The following ANO10 variants were observed in gnomAD, a reference collection of about 807,000 sequenced individuals.
The protein encoded by ANO10 is anoctamin-10.
ANO10 carries 77 observed loss-of-function variants against 74.7 expected under a neutral mutation model. The ratio of observed to expected loss-of-function variants is 1.03; its 90% CI spans 0.86 to 1.25. The LOEUF (loss-of-function observed/expected upper bound fraction) is 1.25. Ranked by LOEUF, ANO10 falls within the 50% of genes most tolerant of loss-of-function variation. The pLI is 0.00. For synonymous variants in ANO10, 279 were observed against 284.9 expected (o/e 0.98, Z 0.21); for missense variants, 721 against 778.1 (o/e 0.93, Z 0.87).
chr3:43,451,427 A>G (rs746322391), intron 11 of ANO10, among the ~76,000 whole-genome samples: 1 of 152,136 alleles, frequency 6.6e-6, no homozygotes, highest in African/African-American at 2.4e-5. Context: ...CCTCTGTTCA[A>G]TCGGCTTCCT....
intron 1 of ANO10, among the ~76,000 whole-genome samples, chr3:43,651,547 G>C (rs2083787564): frequency 6.6e-6 from 1 of 152,100 alleles, no homozygotes; most frequent in Non-Finnish European, 1.5e-5. Context: ...GATGCCATGG[G>C]GGTTAGTGGC....
intron 12 of ANO10, among the ~76,000 whole-genome samples, chr3:43,382,246 G>A (rs1311832340): frequency 4.6e-5 from 7 of 152,252 alleles, no homozygotes; most frequent in South Asian, 4.1e-4. Context: ...CAGGCCGGGC[G>A]CGGTGGCTCA....
intron 11 of ANO10, among the ~76,000 whole-genome samples, chr3:43,469,541 A>G (rs111346845): frequency 7.1e-4 from 108 of 152,280 alleles, no homozygotes; most frequent in African/African-American, 2.2e-3. Context: ...TGAAAATTCT[A>G]AAGGCTTCTG....
intron 11 of ANO10, among the ~76,000 whole-genome samples, chr3:43,535,534 A>C (rs2149261438): frequency 6.6e-6 from 1 of 152,274 alleles, no homozygotes; most frequent in Admixed American, 6.5e-5. Flanking sequence ...TTGGCCTCCC[A>C]AAGTGCTGGG....
intron 11 of ANO10, among the ~76,000 whole-genome samples, chr3:43,534,003 G>A (rs2078587066): frequency 6.6e-6 from 1 of 152,078 alleles, no homozygotes; most frequent in African/African-American, 2.4e-5. Context: ...AAATATGCCT[G>A]GAAGCAAACA....
rs927478358 is a variant in ANO10 at position 43,366,201 on chromosome 3, C to T, written c.*705G>A. 2 of 154,280 alleles carry T rather than the reference C, an allele frequency of 1.3e-5. No individual in the cohort carries two copies. The highest frequency in any genetic ancestry group is 1.4e-5 in the Non-Finnish European group (1 of 69,548). The allele number at this position is 154,280 out of a possible 1,614,324, so 9.6% of individuals were successfully genotyped here. A position where few individuals can be genotyped will look rare whatever the true frequency, so the allele number is the denominator to read the frequency against. ...CAGTTCTCAAAAATGGCCCAGCCTT[C>T]AGCTACAAGCTTTGGTGCCTGGCCT... On this transcript the variant is annotated 3_prime_UTR_variant, in exon 13 of 13. Coordinates refer to ENST00000292246, the MANE Select transcript of ANO10 (RefSeq NM_018075.5).
intron 1 of ANO10, among the ~76,000 whole-genome samples, chr3:43,677,675 G>T (rs570894069): frequency 6.6e-6 from 1 of 152,292 alleles, no homozygotes. Context: ...GGCGGGCTGG[G>T]AATTCAAAGC....
intron 11 of ANO10, among the ~76,000 whole-genome samples, chr3:43,506,738 C>T (rs1292439334): frequency 6.6e-6 from 1 of 152,094 alleles, no homozygotes; most frequent in Admixed American, 6.5e-5. Flanking sequence ...CATGGCTTTC[C>T]CATCACTCAC....
At chr3:43,408,089 C>T (rs1443370527) in intron 12 of ANO10, among the ~76,000 whole-genome samples, 3 of 152,170 alleles carry the variant, frequency 2.0e-5, no homozygotes, top group African/African-American at 2.4e-5. Flanking sequence ...GGTAGGAGTC[C>T]AGGGAGGAAA....
At chr3:43,604,449 A>G (rs962772331) in intron 2 of ANO10, among the ~76,000 whole-genome samples, 4 of 151,228 alleles carry the variant, frequency 2.6e-5, no homozygotes, top group Admixed American at 6.6e-5. Context: ...TGACAAGTCA[A>G]TAACTATTCA....
chr3:43,590,361 T>C (rs1004922221), intron 4 of ANO10, among the ~76,000 whole-genome samples: 8 of 152,202 alleles, frequency 5.3e-5, no homozygotes, highest in African/African-American at 1.9e-4. Flanking sequence ...GAAAAAGCTC[T>C]GTCAAAAGTA....
At chr3:43,582,437 A>G (rs570521207) in intron 4 of ANO10, among the ~76,000 whole-genome samples, 37 of 151,866 alleles carry the variant, frequency 2.4e-4, no homozygotes, top group African/African-American at 8.7e-4. Context: ...ACAGAGCGAG[A>G]CTCCGTCTCA....
intron 12 of ANO10, among the ~76,000 whole-genome samples, chr3:43,371,396 G>A (rs896235747): frequency 2.6e-5 from 4 of 152,092 alleles, no homozygotes; most frequent in Admixed American, 6.5e-5. Context: ...TGGTTCCCCC[G>A]AGCCACCCCA....
intron 3 of ANO10, among the ~76,000 whole-genome samples, 199 bp from the exon 4 acceptor site, chr3:43,598,865 C>A (rs1323286881): frequency 6.6e-6 from 1 of 152,144 alleles, no homozygotes; most frequent in East Asian, 1.9e-4. Flanking sequence ...TATGCCTTCA[C>A]GTAATACAAT....
At chr3:43,483,350 G>C (rs1354552539) in intron 11 of ANO10, among the ~76,000 whole-genome samples, 1 of 152,120 alleles carries the variant, frequency 6.6e-6, no homozygotes, top group Non-Finnish European at 1.5e-5. Flanking sequence ...CAGGTGGTGT[G>C]TTTTTTGTTC....
chr3:43,592,869 C>T (rs1048470542), intron 4 of ANO10, among the ~76,000 whole-genome samples: 3 of 152,026 alleles, frequency 2.0e-5, no homozygotes, highest in African/African-American at 7.2e-5. Flanking sequence ...AAAGATAGGA[C>T]GAATGTCTAA....
intron 11 of ANO10, among the ~76,000 whole-genome samples, chr3:43,477,839 A>G (rs983061109): frequency 6.6e-6 from 1 of 152,160 alleles, no homozygotes; most frequent in African/African-American, 2.4e-5. Flanking sequence ...AAAAAGAGCC[A>G]TTATCACTTA....
intron 11 of ANO10, among the ~76,000 whole-genome samples, chr3:43,457,597 C>T (rs919873714): frequency 6.6e-6 from 1 of 152,170 alleles, no homozygotes; most frequent in Non-Finnish European, 1.5e-5. Context: ...GTGGGGATCA[C>T]GGGTCCCTCC....
chr3:43,485,065 G>A, intron 11 of ANO10: 4 of 1,287,274 alleles, frequency 3.1e-6, no homozygotes, highest in Non-Finnish European at 1.1e-6. Context: ...TCTTGGAGTC[G>A]TGGAACTGCT....
Sources: gnomAD v4.1 joint callset for allele counts (sites outside exome capture counted in the v4.1 genomes callset) on GRCh38, gnomAD v4.1.1 for gene constraint, MANE v1.5 for transcripts, NCBI Gene and HGNC (gene_info 2026-07-23, HGNC 2026-07-21) for gene names.